The following KIAA0825 variants were observed in gnomAD, a reference collection of about 807,000 sequenced individuals.
KIAA0825 encodes the protein KIAA0825.
KIAA0825 carries 119 observed loss-of-function variants against 147.6 expected under a neutral mutation model. The ratio of observed to expected loss-of-function variants is 0.81; its 90% confidence interval spans 0.69 to 0.94. KIAA0825 has a LOEUF of 0.94. Ranked by LOEUF, KIAA0825 falls within the 40% of genes least tolerant of loss-of-function variation. KIAA0825 has a pLI of 0.00. For synonymous variants in KIAA0825, 470 were observed against 518.1 expected (o/e 0.91, Z 1.26); for missense variants, 1,381 against 1,472.7 (o/e 0.94, Z 1.02).
At chr5:94,269,549 T>A (rs756331660) in intron 20 of KIAA0825, among the ~76,000 whole-genome samples, 1 of 152,054 alleles carries the variant, frequency 6.6e-6, no homozygotes, top group Non-Finnish European at 1.5e-5. Context: ...TTAAACAATA[T>A]GTTTCTGAGG....
chr5:94,300,618 C>A (rs771454644), intron 20 of KIAA0825, among the ~76,000 whole-genome samples: 7 of 152,040 alleles, frequency 4.6e-5, no homozygotes, highest in East Asian at 1.9e-4. Context: ...TATAAAAAAA[C>A]TTCCAAAATC....
rs1389276146 is a variant in KIAA0825, at chr5:94,166,967, G to A, written c.3711-12843C>T. On this transcript the variant is annotated intron_variant, in intron 20 of 20. Transcript: ENST00000682413. ...AAACTATCCTGTATTTGAGAATAAC[G>A]TTATGAGTATTATGATTCAGGAATA... Among the ~76,000 whole-genome samples the A allele has an allele frequency of 3.9e-5, 6 of 152,158 alleles. No individual in the cohort carries two copies. The East Asian group carries it at 1.2e-3, about 29-fold the overall frequency.
chr5:94,486,027 TAAGAG>T (rs1165147505), intron 5 of KIAA0825, among the ~76,000 whole-genome samples: 1 of 151,922 alleles, frequency 6.6e-6, no homozygotes, highest in East Asian at 1.9e-4. Flanking sequence ...TTATACTCTT[TAAGAG>T]TATGGAGAAT....
rs370086612 is a variant in KIAA0825, at chr5:94,356,747, C to T, written c.3710+27621G>A. On this transcript the variant is annotated intron_variant, in intron 20 of 20. Coordinates refer to ENST00000682413, the MANE Select transcript of KIAA0825 (RefSeq NM_001145678.3). ...TTTCTTTTTTTTTTTTTTTTTGAGACGGAGTCTCGCTCTGTCGCCCACGCT... is the reference window on the plus strand; with the variant it reads ...TTTCTTTTTTTTTTTTTTTTTGAGATGGAGTCTCGCTCTGTCGCCCACGCT... 4.5e-4 allele frequency among the ~76,000 whole-genome samples: 23 copies of T among 51,058 alleles called. No homozygotes were observed. The East Asian group carries it at 4.8e-3, about 11-fold the overall frequency. 33.5% of individuals were successfully genotyped at this position (51,058 alleles called of 152,430 possible).
At chr5:94,497,761 G>T (rs1362671606) in intron 5 of KIAA0825, among the ~76,000 whole-genome samples, 1 of 152,184 alleles carries the variant, frequency 6.6e-6, no homozygotes, top group Non-Finnish European at 1.5e-5. Flanking sequence ...TTAACACACA[G>T]ATTGCCAGGC....
intron 2 of KIAA0825, among the ~76,000 whole-genome samples, chr5:94,557,884 T>C (rs1036263067): frequency 1.3e-5 from 2 of 152,084 alleles, no homozygotes; most frequent in African/African-American, 4.8e-5. Flanking sequence ...GAGCGGTGCT[T>C]TTGCTCGCTG....
intron 20 of KIAA0825, among the ~76,000 whole-genome samples, chr5:94,317,385 C>T (rs1779753107): frequency 1.3e-5 from 2 of 151,830 alleles, no homozygotes; most frequent in Admixed American, 6.6e-5. Context: ...TTTTCTTGCT[C>T]AGCACTGCAC....
In KIAA0825 at chr5:94,519,899, A is replaced by C. The variant is rs551833378; in HGVS notation, c.970+349T>G. Reference sequence around the variant, plus strand: ...ATGCGTATATTTAATAAACAGATAAAGGAGCTTATATGTGTATAAGCATAT... The same window carrying C: ...ATGCGTATATTTAATAAACAGATAACGGAGCTTATATGTGTATAAGCATAT... On this transcript the variant is annotated intron_variant, in intron 5 of 20. Transcript: ENST00000682413. 9.7e-4 allele frequency: 621 copies of C among 643,288 alleles called. 2 individuals are homozygous for C. The highest frequency in any genetic ancestry group is 1.1e-3 in the Non-Finnish European group (574 of 514,580). The allele number at this position is 643,288 out of a possible 1,614,324, so 39.8% of individuals were successfully genotyped here.
At chr5:94,385,275 A>G (rs980070237) in intron 19 of KIAA0825, among the ~76,000 whole-genome samples, 1 of 152,192 alleles carries the variant, frequency 6.6e-6, no homozygotes, top group Non-Finnish European at 1.5e-5. Flanking sequence ...GACGTTTAAA[A>G]TCCAACAAGA....
At chr5:94,155,213 CTTTTTTTTT>C (rs67704311) in intron 20 of KIAA0825, among the ~76,000 whole-genome samples, 6 of 119,044 alleles carry the variant, frequency 5.0e-5, no homozygotes, top group African/African-American at 9.4e-5. Flanking sequence ...TATTTTCTTT[CTTTTTTTTT>C]TTTTTTTTTT....
chr5:94,236,135 G>C (rs192444698), intron 20 of KIAA0825, among the ~76,000 whole-genome samples: 1 of 152,324 alleles, frequency 6.6e-6, no homozygotes, highest in East Asian at 1.9e-4. Context: ...AGCTGCCAAA[G>C]ATAGTGATTC....
At chr5:94,159,476 T>C (rs1767343400) in intron 20 of KIAA0825, among the ~76,000 whole-genome samples, 1 of 152,208 alleles carries the variant, frequency 6.6e-6, no homozygotes, top group Non-Finnish European at 1.5e-5. Flanking sequence ...TCAGAGCTCC[T>C]ACCTTGATGT....
rs752441863 is a variant in KIAA0825 at position 94,464,886 on chromosome 5, T to A, written c.2046A>T (p.Lys682Asn). Residue 682 changes from lysine to asparagine, a missense_variant, in exon 11 of 21, where the codon AAA becomes AAT. Transcript: ENST00000682413. ...SRYARAHPSR[K>N]RTPQLRLDVT... ...TCAATTACCTTAACTGTGGAGTTCT[T>A]TTACGGCTGGGGTGGGCCCGAGCGT... 40 of 1,550,720 alleles carry A rather than the reference T, an allele frequency of 2.6e-5. No individual in the cohort carries two copies. Among genetic ancestry groups the A allele is most frequent in the Admixed American group, 3.9e-5 (2 of 50,698 alleles).
At chr5:94,226,689 C>G (rs1774196678) in intron 20 of KIAA0825, among the ~76,000 whole-genome samples, 1 of 151,366 alleles carries the variant, frequency 6.6e-6, no homozygotes, top group East Asian at 2.0e-4. Flanking sequence ...TGAACTCAAA[C>G]AAATTTACAA....
At chr5:94,554,451 T>A (rs1039607988) in intron 2 of KIAA0825, among the ~76,000 whole-genome samples, 9 of 152,146 alleles carry the variant, frequency 5.9e-5, no homozygotes, top group Non-Finnish European at 1.2e-4. Flanking sequence ...TTCTTAAATA[T>A]GCACCAGCCT....
chr5:94,249,781 C>T (rs1297556129), intron 20 of KIAA0825, among the ~76,000 whole-genome samples: 1 of 148,056 alleles, frequency 6.8e-6, no homozygotes, highest in Non-Finnish European at 1.5e-5. Context: ...CTTTTTTCCC[C>T]AATATTTTGC....
At chr5:94,353,910 T>C (rs1783974690) in intron 20 of KIAA0825, among the ~76,000 whole-genome samples, 1 of 152,200 alleles carries the variant, frequency 6.6e-6, no homozygotes, top group Admixed American at 6.5e-5. Flanking sequence ...TATCATTATA[T>C]TATTATTTAC....
At chr5:94,426,077 C>T (rs1258784667) in intron 14 of KIAA0825, among the ~76,000 whole-genome samples, 1 of 150,400 alleles carries the variant, frequency 6.6e-6, no homozygotes, top group Non-Finnish European at 1.5e-5. Context: ...TGCTATGTTG[C>T]CCAGGATAGT....
chr5:94,299,680 G>T (rs1778298119), intron 20 of KIAA0825, among the ~76,000 whole-genome samples: 2 of 152,110 alleles, frequency 1.3e-5, no homozygotes, highest in African/African-American at 4.8e-5. Context: ...TAATACTGAA[G>T]GCAGAGCTAT....
Sources: gnomAD v4.1 joint callset for allele counts (sites outside exome capture counted in the v4.1 genomes callset) on GRCh38, gnomAD v4.1.1 for gene constraint, MANE v1.5 for transcripts, NCBI Gene and HGNC (gene_info 2026-07-23, HGNC 2026-07-21) for gene names.